The following MDGA2 variants were observed in gnomAD, a reference collection of about 807,000 sequenced individuals.
MDGA2 encodes the protein MAM domain-containing glycosylphosphatidylinositol anchor protein 2.
MDGA2 carries 40 observed loss-of-function variants against 117.8 expected under a neutral mutation model. The ratio of observed to expected loss-of-function variants is 0.34; its 90% CI spans 0.26 to 0.44. The LOEUF (loss-of-function observed/expected upper bound fraction) is 0.44. MDGA2 is among the 20% of genes least tolerant of loss of function. MDGA2 has a pLI of 1.00. For synonymous variants in MDGA2, 452 were observed against 439.0 expected, an observed-to-expected ratio of 1.03 and a Z score of -0.37; for missense variants, 1,123 against 1,250.6, an observed-to-expected ratio of 0.90 and a Z score of 1.54.
intron 8 of MDGA2, among the ~76,000 whole-genome samples, chr14:46,980,422 C>T (rs563443249): frequency 6.6e-6 from 1 of 152,284 alleles, no homozygotes; most frequent in South Asian, 2.1e-4. Flanking sequence ...ATAGAATCTA[C>T]TTCTAGTGAA....
Position 47,362,214 on chromosome 14 carries a change from A to C in MDGA2, c.281-60664T>G, listed in dbSNP as rs543414673. Among the ~76,000 whole-genome samples, 3 of 152,306 alleles carry C rather than the reference A, an allele frequency of 2.0e-5. No homozygotes were observed. In the East Asian group the frequency reaches 5.8e-4, roughly 29 times the overall value. Reference sequence around the variant, plus strand: ...TCATAAAGGGAATATAGACATCTTCATGGATTTTGAAGTACCTTCATTTTC... The same window carrying C: ...TCATAAAGGGAATATAGACATCTTCCTGGATTTTGAAGTACCTTCATTTTC... On this transcript the variant is annotated intron_variant, in intron 1 of 16. Transcript: ENST00000399232.
intron 1 of MDGA2, among the ~76,000 whole-genome samples, chr14:47,344,433 G>T (rs543002804): frequency 6.6e-6 from 1 of 152,182 alleles, no homozygotes; most frequent in South Asian, 2.1e-4. Flanking sequence ...ACACTAGTTT[G>T]CTGTCCCAGA....
chr14:46,893,613 A>G (rs1882966163), intron 10 of MDGA2, among the ~76,000 whole-genome samples: 1 of 152,052 alleles, frequency 6.6e-6, no homozygotes, highest in Non-Finnish European at 1.5e-5. Flanking sequence ...TTTATATCAA[A>G]ACATCATGTT....
At position 46,884,469 on chromosome 14, in the gene MDGA2, C is replaced by T. The variant is rs1013275223; in HGVS notation, c.2239-2248G>A. ...ATGCACATATGTTCACATATATGCA[C>T]ATACTATATGTTCATAAGTATTTGT... On this transcript the variant is annotated intron_variant, in intron 10 of 16. Transcript: ENST00000399232. The surrounding 1 kb of genome is among the most constrained non-coding windows in gnomAD (Gnocchi z 4.1). 9.2e-5 allele frequency among the ~76,000 whole-genome samples: 14 copies of T among 152,122 alleles called. No individual in the cohort carries two copies. Among genetic ancestry groups the T allele is most frequent in the Admixed American group, 3.3e-4 (5 of 15,250 alleles).
chr14:47,526,593 A>G (rs1443821256), intron 1 of MDGA2, among the ~76,000 whole-genome samples: 3 of 152,076 alleles, frequency 2.0e-5, no homozygotes, highest in Non-Finnish European at 4.4e-5. Flanking sequence ...TCCCGGGAAC[A>G]GGTTTCTGCT....
At chr14:47,135,171 A>T (rs1654261752) in intron 4 of MDGA2, among the ~76,000 whole-genome samples, 2 of 152,092 alleles carry the variant, frequency 1.3e-5, no homozygotes, top group South Asian at 4.1e-4. Flanking sequence ...CTAACACTTT[A>T]GATTACCTTT....
intron 1 of MDGA2, among the ~76,000 whole-genome samples, chr14:47,487,328 T>C (rs1053340832): frequency 2.0e-5 from 3 of 152,210 alleles, no homozygotes; most frequent in African/African-American, 7.2e-5. Flanking sequence ...TAAAGAAGAT[T>C]TAGTATCTTT....
chr14:46,857,147 T>C (rs1881300383), intron 14 of MDGA2, among the ~76,000 whole-genome samples: 1 of 152,218 alleles, frequency 6.6e-6, no homozygotes, highest in Non-Finnish European at 1.5e-5. Context: ...CAGATATGAA[T>C]ATATTTTCTA....
chr14:47,666,221 T>G (rs181077536), intron 1 of MDGA2, among the ~76,000 whole-genome samples: 50 of 148,146 alleles, frequency 3.4e-4, no homozygotes, highest in Non-Finnish European at 6.4e-4. Flanking sequence ...TATGTCTAGC[T>G]AAGGGATTGT....
intron 8 of MDGA2, among the ~76,000 whole-genome samples, chr14:47,026,634 G>A (rs1424855425): frequency 6.6e-6 from 1 of 152,006 alleles, no homozygotes; most frequent in African/African-American, 2.4e-5. Context: ...CAGGGGAGAT[G>A]ATCATAGTAT....
rs540456208 is a variant in MDGA2, at chr14:46,935,161, C to T, written c.2090-15001G>A. ...TATCAGGAGTGCAGAAGAAATTCCACGGATGTTATTTAATGAGATGGAAGC... is the reference window on the plus strand; with the variant it reads ...TATCAGGAGTGCAGAAGAAATTCCATGGATGTTATTTAATGAGATGGAAGC... On this transcript the variant is annotated intron_variant, in intron 9 of 16. Transcript: ENST00000399232. Among the ~76,000 whole-genome samples the T allele has an allele frequency of 5.3e-5, 8 of 152,136 alleles. No homozygotes were observed. The South Asian group carries it at 1.0e-3, about 20-fold the overall frequency.
intron 1 of MDGA2, among the ~76,000 whole-genome samples, chr14:47,480,412 G>A (rs947929624): frequency 2.0e-5 from 3 of 151,874 alleles, no homozygotes; most frequent in African/African-American, 4.8e-5. Context: ...AATACTTAAC[G>A]ATTTATCTAC....
At chr14:47,661,204 A>T (rs1897838770) in intron 1 of MDGA2, among the ~76,000 whole-genome samples, 1 of 152,102 alleles carries the variant, frequency 6.6e-6, no homozygotes, top group African/African-American at 2.4e-5. Context: ...TATAAATACA[A>T]GTATTTACTT....
intron 1 of MDGA2, among the ~76,000 whole-genome samples, chr14:47,588,391 A>G (rs1199625177): frequency 1.3e-5 from 2 of 151,580 alleles, no homozygotes; most frequent in East Asian, 1.9e-4. Flanking sequence ...GTATGAGGGT[A>G]TCAATTTCTA....
chr14:47,126,414 G>T (rs746439017), intron 5 of MDGA2, among the ~76,000 whole-genome samples: 1 of 152,060 alleles, frequency 6.6e-6, no homozygotes, highest in African/African-American at 2.4e-5. Flanking sequence ...AGCTAGATTA[G>T]GTGTGATACA....
chr14:46,970,904 A>T (rs1886236522), intron 8 of MDGA2, among the ~76,000 whole-genome samples: 2 of 152,148 alleles, frequency 1.3e-5, no homozygotes, highest in African/African-American at 4.8e-5. Context: ...TCAAAAGAAG[A>T]CATAAAAAAT....
At chr14:47,059,247 GCAGA>G (rs1375908309) in intron 7 of MDGA2, 7 of 1,048,988 alleles carry the variant, frequency 6.7e-6, no homozygotes, top group African/African-American at 3.3e-5. Context: ...AATGAGTGAT[GCAGA>G]CAAAGTCTCA....
chr14:47,262,499 C>G (rs940879240), intron 2 of MDGA2, among the ~76,000 whole-genome samples: 2 of 152,150 alleles, frequency 1.3e-5, no homozygotes, highest in African/African-American at 4.8e-5. Context: ...ATAGTATGTG[C>G]ATTGTAAAAT....
chr14:46,895,944 C>T (rs765679041), intron 10 of MDGA2, among the ~76,000 whole-genome samples: 15 of 152,166 alleles, frequency 9.9e-5, no homozygotes, highest in African/African-American at 3.4e-4. Flanking sequence ...GTCCATAGTA[C>T]GTATTGCTAC....
Sources: allele counts gnomAD v4.1 joint callset (sites outside exome capture counted in the v4.1 genomes callset), GRCh38; gene constraint gnomAD v4.1.1; non-coding constraint Gnocchi (gnomAD v3.1); transcripts MANE v1.5; gene names NCBI Gene and HGNC (gene_info 2026-07-23, HGNC 2026-07-21).